The following RAD51C variants were observed in gnomAD, a reference collection of about 807,000 sequenced individuals.
The protein encoded by RAD51C is DNA repair protein RAD51 homolog 3.
In RAD51C, 42 loss-of-function variants were observed where a neutral mutation model predicts 45.0. The ratio of observed to expected loss-of-function variants is 0.93; its 90% confidence interval spans 0.73 to 1.21. RAD51C has a LOEUF of 1.21. Ranked by LOEUF, RAD51C falls within the 50% of genes most tolerant of loss-of-function variation. The probability of loss-of-function intolerance (pLI) is 0.00; values close to 1 mark genes in which losing one functional copy is unlikely to be tolerated. For synonymous variants in RAD51C, 172 were observed against 159.8 expected (o/e 1.08, Z -0.58); for missense variants, 474 against 452.2 (o/e 1.05, Z -0.44).
chr17:58,709,362 C>T (rs1285008580), intron 4 of RAD51C, among the ~76,000 whole-genome samples: 2 of 152,100 alleles, frequency 1.3e-5, no homozygotes, highest in African/African-American at 2.4e-5. Flanking sequence ...CAGGTGTGAG[C>T]CACCGCGCCC....
chr17:58,696,683 C>G lies in RAD51C; in HGVS notation c.405-10C>G, dbSNP rs748811733. 3 of 1,614,114 alleles carry G rather than the reference C, an allele frequency of 1.9e-6. No homozygotes were observed. The highest frequency in any genetic ancestry group is 1.1e-5 in the South Asian group (1 of 91,084). Reference sequence around the variant, plus strand: ...CATGATTTGGTTGTTTGTCATCTTTCTGTTGACAGTATGCAGTTGGCAGTA... The same window carrying G: ...CATGATTTGGTTGTTTGTCATCTTTGTGTTGACAGTATGCAGTTGGCAGTA... On this transcript the variant is annotated splice_polypyrimidine_tract_variant and intron_variant, in intron 2 of 8. Coordinates refer to ENST00000337432, the MANE Select transcript of RAD51C (RefSeq NM_058216.3).
chr17:58,726,014 A>AC, intron 7 of RAD51C, among the ~76,000 whole-genome samples: 1 of 151,466 alleles, frequency 6.6e-6, no homozygotes, highest in Non-Finnish European at 1.5e-5. Context: ...AAAAAAAAAA[A>AC]AACAAGAAAA....
rs1301050296 is a variant in RAD51C at position 58,734,288 on chromosome 17, T to C, written c.*66T>C. On this transcript the variant is annotated 3_prime_UTR_variant, in exon 9 of 9. Coordinates refer to ENST00000337432, the MANE Select transcript of RAD51C (RefSeq NM_058216.3). ...GTGAAATCAATGTGTACAAGTGGACTTGTTACCTTAAAGTATAAATAAACA... is the reference window on the plus strand; with the variant it reads ...GTGAAATCAATGTGTACAAGTGGACCTGTTACCTTAAAGTATAAATAAACA... 7 of 1,565,314 alleles carry C rather than the reference T, an allele frequency of 4.5e-6. No homozygotes were observed. The East Asian group carries it at 1.7e-4, about 37-fold the overall frequency.
At position 58,698,001 on chromosome 17, in the gene RAD51C, C is replaced by T. The variant is rs553065582; in HGVS notation, c.571+1142C>T. Among the ~76,000 whole-genome samples the T allele has an allele frequency of 3.7e-3, 566 of 151,828 alleles. 3 individuals are homozygous for T. Among genetic ancestry groups the T allele is most frequent in the Non-Finnish European group, 5.6e-3 (383 of 67,912 alleles). ...TGCTGGGATTACGGGCGTGAGCCACCGCACCCGGCCAATTTTTTTTTCTTT... is the reference window on the plus strand; with the variant it reads ...TGCTGGGATTACGGGCGTGAGCCACTGCACCCGGCCAATTTTTTTTTCTTT... On this transcript the variant is annotated intron_variant, in intron 3 of 8. Transcript: ENST00000337432.
chr17:58,720,952 A>AGTATCTAACG, intron 6 of RAD51C, 140 bp downstream of exon 6: 1 of 709,888 alleles, frequency 1.4e-6, no homozygotes, highest in Non-Finnish European at 2.4e-6. Context: ...CACTAAGCAC[A>AGTATCTAACG]GTACCGTTAG....
intron 3 of RAD51C, among the ~76,000 whole-genome samples, chr17:58,701,314 C>T (rs1351944769): frequency 6.6e-6 from 1 of 151,820 alleles, no homozygotes; most frequent in Non-Finnish European, 1.5e-5. Context: ...CGAGACCATC[C>T]TTGCTAACAT....
chr17:58,694,044 C>T (rs2047902734), intron 1 of RAD51C: 1 of 152,154 alleles, frequency 6.6e-6, no homozygotes, highest in South Asian at 2.1e-4. Flanking sequence ...TTTCTCAGGC[C>T]ACACTGTCAG....
chr17:58,716,826 A>G (rs1037363090), intron 5 of RAD51C, among the ~76,000 whole-genome samples: 3 of 147,922 alleles, frequency 2.0e-5, no homozygotes, highest in Non-Finnish European at 4.5e-5. Context: ...GCTGGAGTGC[A>G]GTGGCGCGAT....
At chr17:58,692,588 G>C (rs2047789446), upstream of RAD51C, 2 of 1,600,978 alleles carry the variant, frequency 1.2e-6, no homozygotes, top group African/African-American at 2.7e-5. Context: ...CACGCCGCAC[G>C]CCCCAGCGAG....
At chr17:58,692,882 GT>G in intron 1 of RAD51C, 94 bp downstream of exon 1, 1 of 1,571,960 alleles carries the variant, frequency 6.4e-7, no homozygotes, top group Non-Finnish European at 8.7e-7. Flanking sequence ...CCCAGTCTCC[GT>G]TAGATTCTGC....
At chr17:58,695,787 C>T (rs371819612) in intron 2 of RAD51C, among the ~76,000 whole-genome samples, 1 of 151,594 alleles carries the variant, frequency 6.6e-6, no homozygotes, top group East Asian at 1.9e-4. Context: ...AAAAAAGAGG[C>T]CGGGGATGGT....
chr17:58,708,588 T>C (rs1381963306), intron 4 of RAD51C, among the ~76,000 whole-genome samples: 1 of 152,154 alleles, frequency 6.6e-6, no homozygotes, highest in Non-Finnish European at 1.5e-5. Context: ...AACATAGCAT[T>C]GGAGTCTTTT....
At chr17:58,708,127 A>T (rs182673347) in intron 4 of RAD51C, among the ~76,000 whole-genome samples, 62 of 152,322 alleles carry the variant, frequency 4.1e-4, no homozygotes, top group African/African-American at 1.4e-3. Flanking sequence ...ACATATTCCC[A>T]GCTGACGTTG....
chr17:58,726,158 A>G (rs1302476034), intron 7 of RAD51C, among the ~76,000 whole-genome samples: 3 of 151,632 alleles, frequency 2.0e-5, no homozygotes, highest in Non-Finnish European at 4.4e-5. Context: ...CTCTCATTTT[A>G]GTGAGTGCTT....
chr17:58,709,813 A>G (rs553638171), intron 4 of RAD51C, 46 bp from the exon 5 acceptor site: 36 of 1,531,092 alleles, frequency 2.4e-5, no homozygotes, highest in Non-Finnish European at 3.1e-5. Flanking sequence ...TATTATTATT[A>G]TTTTATTTTT....
chr17:58,703,041 A>C (rs905172369), intron 3 of RAD51C, among the ~76,000 whole-genome samples, 155 bp from the exon 4 acceptor site: 1 of 152,208 alleles, frequency 6.6e-6, no homozygotes, highest in Non-Finnish European at 1.5e-5. Flanking sequence ...GGAATTATGA[A>C]CTGTTTATAG....
At chr17:58,704,439 A>ATT (rs879696109) in intron 4 of RAD51C, among the ~76,000 whole-genome samples, 8 of 142,960 alleles carry the variant, frequency 5.6e-5, no homozygotes, top group Non-Finnish European at 1.1e-4. Flanking sequence ...CGCCTGGCTA[A>ATT]TTTTTTTTTT....
At chr17:58,708,837 G>C (rs564066163) in intron 4 of RAD51C, among the ~76,000 whole-genome samples, 1 of 151,688 alleles carries the variant, frequency 6.6e-6, no homozygotes, top group African/African-American at 2.4e-5. Flanking sequence ...CAAAGTGCTG[G>C]GATTACAGAT....
At chr17:58,698,711 G>C (rs781492285) in intron 3 of RAD51C, among the ~76,000 whole-genome samples, 13 of 151,274 alleles carry the variant, frequency 8.6e-5, no homozygotes, top group Non-Finnish European at 1.9e-4. Flanking sequence ...AGGCCGAGGC[G>C]GGCGGATCAC....
Sources: allele counts gnomAD v4.1 joint callset (sites outside exome capture counted in the v4.1 genomes callset), GRCh38; gene constraint gnomAD v4.1.1; transcripts MANE v1.5; gene names NCBI Gene and HGNC (gene_info 2026-07-23, HGNC 2026-07-21).